The following SUGCT variants were observed in gnomAD, a reference collection of about 807,000 sequenced individuals.
SUGCT encodes the protein succinyl-CoA:glutarate CoA-transferase.
In SUGCT, 41 loss-of-function variants were observed where a neutral mutation model predicts 55.0. That is an observed-to-expected ratio of 0.74 (90% CI 0.58 to 0.97). The LOEUF (loss-of-function observed/expected upper bound fraction) is 0.97, where lower values mean the gene tolerates loss of function less well. Ranked by LOEUF, SUGCT falls within the 50% of genes least tolerant of loss-of-function variation. The pLI is 0.00. For synonymous variants in SUGCT, 187 were observed against 200.4 expected (o/e 0.93, Z 0.56); for missense variants, 568 against 547.8 (o/e 1.04, Z -0.37).
chr7:40,924,818 A>G, the SUGCT span, among the ~76,000 whole-genome samples: 1 of 152,236 alleles, frequency 6.6e-6, no homozygotes, highest in Non-Finnish European at 1.5e-5. Context: ...TTAATTCTGT[A>G]TCATCAGTAC....
At position 40,155,854 on chromosome 7, in the gene SUGCT, GA is replaced by G. The variant is rs1453693749; in HGVS notation, c.100+20735del. On this transcript the variant is annotated intron_variant, in intron 1 of 13. Transcript: ENST00000335693. The stretch of plus-strand genomic sequence containing the variant: ...GAGGATTTTTACTTAGGATACCTAA[GA>G]TTTTTTTTTTTTTTTTTTTTGAGAT... Among the ~76,000 whole-genome samples the G allele has an allele frequency of 1.2e-3, 177 of 148,454 alleles. 2 individuals carry two copies. Among genetic ancestry groups the G allele is most frequent in the African/African-American group, 4.2e-3 (168 of 40,038 alleles).
intron 9 of SUGCT, among the ~76,000 whole-genome samples, chr7:40,418,622 C>T (rs1787136981): frequency 6.6e-6 from 1 of 152,152 alleles, no homozygotes; most frequent in Admixed American, 6.6e-5. Context: ...TAGCCCCTAC[C>T]AGCTGCAACA....
At chr7:40,942,193 G>A in the SUGCT span, among the ~76,000 whole-genome samples, 2 of 152,120 alleles carry the variant, frequency 1.3e-5, no homozygotes, top group Admixed American at 1.3e-4. Context: ...CTATTCTAGT[G>A]CATATGGACC....
chr7:40,765,309 G>A (rs1257580556), intron 13 of SUGCT, among the ~76,000 whole-genome samples: 1 of 151,862 alleles, frequency 6.6e-6, no homozygotes, highest in African/African-American at 2.4e-5. Context: ...AAATACCAAG[G>A]TATTTTCTAT....
chr7:40,597,490 A>C lies in SUGCT; in HGVS notation c.1089+101104A>C, dbSNP rs536964815. Among the ~76,000 whole-genome samples, 31 of 152,288 alleles carry C rather than the reference A, an allele frequency of 2.0e-4. 1 individual carries two copies. In the South Asian group the frequency reaches 6.4e-3, roughly 32 times the overall value. The stretch of plus-strand genomic sequence containing the variant: ...CAAATAAGGTCATGTGGTAGTCATC[A>C]GTGCTGTTTACCAAATATTTCCAGC... On this transcript the variant is annotated intron_variant, in intron 12 of 13. Coordinates refer to ENST00000335693, the MANE Select transcript of SUGCT (RefSeq NM_001193313.2).
At chr7:40,213,436 C>T (rs1357947376) in intron 6 of SUGCT, among the ~76,000 whole-genome samples, 1 of 152,090 alleles carries the variant, frequency 6.6e-6, no homozygotes. Context: ...GGTGAAGTAC[C>T]CTTCTCTTTT....
intron 13 of SUGCT, among the ~76,000 whole-genome samples, chr7:40,772,072 C>T (rs778962244): frequency 1.3e-5 from 2 of 152,064 alleles, no homozygotes; most frequent in South Asian, 2.1e-4. Flanking sequence ...TAATAGTGCC[C>T]CCTCAAGCTC....
At position 40,773,139 on chromosome 7, in the gene SUGCT, T is replaced by C. The variant is rs115543954; in HGVS notation, c.1153+23642T>C. Among the ~76,000 whole-genome samples, 454 of 152,212 alleles carry C rather than the reference T, an allele frequency of 3.0e-3. 1 individual carries two copies. Among genetic ancestry groups the C allele is most frequent in the African/African-American group, 0.01 (434 of 41,514 alleles). On this transcript the variant is annotated intron_variant, in intron 13 of 13. Coordinates refer to ENST00000335693, the MANE Select transcript of SUGCT (RefSeq NM_001193313.2). Reference sequence around the variant, plus strand: ...AATAATTTTTGAATTAGTATCTTTCTTTTTTTGAGATGGAGTTTTGCTCTT... The same window carrying C: ...AATAATTTTTGAATTAGTATCTTTCCTTTTTTGAGATGGAGTTTTGCTCTT...
chr7:40,241,056 G>A (rs1403280705), intron 7 of SUGCT, among the ~76,000 whole-genome samples: 1 of 152,132 alleles, frequency 6.6e-6, no homozygotes, highest in African/African-American at 2.4e-5. Flanking sequence ...AGGAACAGTG[G>A]CTGAACTTAT....
the SUGCT span, among the ~76,000 whole-genome samples, chr7:40,907,181 T>G: frequency 6.6e-6 from 1 of 151,542 alleles, no homozygotes; most frequent in Non-Finnish European, 1.5e-5. Flanking sequence ...AGTGGGGACT[T>G]GGGTTTCTGC....
At chr7:40,371,122 G>A (rs1464777283) in intron 9 of SUGCT, among the ~76,000 whole-genome samples, 1 of 152,074 alleles carries the variant, frequency 6.6e-6, no homozygotes, top group Non-Finnish European at 1.5e-5. Flanking sequence ...TGCCAGAAGG[G>A]AAGAGTCCAT....
rs549836035 is a variant in SUGCT at position 40,591,297 on chromosome 7, G to A, written c.1089+94911G>A. Among the ~76,000 whole-genome samples the A allele has an allele frequency of 2.6e-5, 4 of 152,258 alleles. No individual in the cohort carries two copies. The South Asian group carries it at 8.3e-4, about 32-fold the overall frequency. ...CAGTAGAGGAAGTAACTGCAGATGTGGTGGAAATAACAGAGGATTAAAATT... is the reference window on the plus strand; with the variant it reads ...CAGTAGAGGAAGTAACTGCAGATGTAGTGGAAATAACAGAGGATTAAAATT... On this transcript the variant is annotated intron_variant, in intron 12 of 13. Transcript: ENST00000335693.
intron 12 of SUGCT, among the ~76,000 whole-genome samples, chr7:40,621,073 G>GT (rs968722018): frequency 6.6e-6 from 1 of 152,004 alleles, no homozygotes; most frequent in African/African-American, 2.4e-5. Flanking sequence ...AAGCATCAAT[G>GT]TTTTTTTAGC....
chr7:40,819,655 T>C (rs573072649), intron 13 of SUGCT, among the ~76,000 whole-genome samples: 3 of 152,368 alleles, frequency 2.0e-5, no homozygotes, highest in African/African-American at 7.2e-5. Context: ...ATTCTGGATA[T>C]TAGCCCTTTG....
intron 11 of SUGCT, among the ~76,000 whole-genome samples, chr7:40,478,030 T>C (rs1790801829): frequency 6.6e-6 from 1 of 152,170 alleles, no homozygotes; most frequent in Admixed American, 6.5e-5. Flanking sequence ...TCTTGCTGTG[T>C]TGCCCAGGCT....
At chr7:41,008,478 G>T in the SUGCT span, among the ~76,000 whole-genome samples, 9 of 152,222 alleles carry the variant, frequency 5.9e-5, no homozygotes, top group East Asian at 7.7e-4. Flanking sequence ...AGGTGGGTTG[G>T]GGATCACCCT....
At chr7:40,921,776 C>T in the SUGCT span, among the ~76,000 whole-genome samples, 1 of 152,210 alleles carries the variant, frequency 6.6e-6, no homozygotes, top group African/African-American at 2.4e-5. Flanking sequence ...TGAGGTTGCC[C>T]ACTGCACTTT....
At chr7:40,550,885 A>G (rs1400370490) in intron 12 of SUGCT, among the ~76,000 whole-genome samples, 1 of 152,120 alleles carries the variant, frequency 6.6e-6, no homozygotes, top group Non-Finnish European at 1.5e-5. Context: ...ATAGTACTAC[A>G]GCTCTCCTCT....
intron 1 of SUGCT, among the ~76,000 whole-genome samples, chr7:40,159,585 G>T (rs1243391521): frequency 6.6e-6 from 1 of 151,696 alleles, no homozygotes; most frequent in Non-Finnish European, 1.5e-5. Context: ...TGGCCAGGAT[G>T]GTCTCGATCT....
Sources: allele counts gnomAD v4.1 joint callset (sites outside exome capture counted in the v4.1 genomes callset), GRCh38; gene constraint gnomAD v4.1.1; transcripts MANE v1.5; gene names NCBI Gene and HGNC (gene_info 2026-07-23, HGNC 2026-07-21).